The following MAB21L3 variants were observed in gnomAD, a reference collection of about 807,000 sequenced individuals.
MAB21L3 encodes mab-21 like 3.
A neutral mutation model predicts 37.7 loss-of-function variants in MAB21L3; 36 were observed. The observed-to-expected ratio is 0.96, with a 90% CI of 0.73 to 1.26. The LOEUF (loss-of-function observed/expected upper bound fraction) is 1.26. MAB21L3 is among the 50% of genes most tolerant of loss of function. The pLI, the probability that MAB21L3 is intolerant of heterozygous loss-of-function variation, is 0.00. For synonymous variants in MAB21L3, 186 were observed against 176.8 expected, an observed-to-expected ratio of 1.05 and a Z score of -0.41; for missense variants, 430 against 447.3, an observed-to-expected ratio of 0.96 and a Z score of 0.35.
chr1:116,128,348 G>C lies in MAB21L3; in HGVS notation c.855+9G>C, dbSNP rs1203943496. On this transcript the variant is annotated intron_variant, in intron 7 of 7. Transcript: ENST00000369500. ...CGTCCCACCATCTGCAGGTGAGTGT[G>C]GGGCAGGTTGGAGAAGACCCAGGGG... is the stretch of plus-strand genomic sequence containing the variant. 32 of 1,603,340 alleles carry C rather than the reference G, an allele frequency of 2.0e-5. No individual in the cohort carries two copies. The highest frequency in any genetic ancestry group is 2.6e-5 in the Non-Finnish European group (30 of 1,176,104).
chr1:116,124,185 G>T lies in MAB21L3; in HGVS notation c.309G>T (p.Pro103=). 6.2e-7 allele frequency: 1 copy of T among 1,614,222 alleles called. No homozygotes were observed. Among genetic ancestry groups the T allele is most frequent in the South Asian group, 1.1e-5 (1 of 91,084 alleles). The change falls in exon 5 of 8, where the codon CCG becomes CCT. Residue 103 remains proline, a synonymous_variant. Transcript: ENST00000369500. ...TGCAGGGCACCAGGCTGCCCTGCCC[G>T]TTGCGGGACCCTGAGGGTCTGCAGC... ...YTLQGTRLPC[P]LRDPEGLQQW...
intron 4 of MAB21L3, among the ~76,000 whole-genome samples, chr1:116,123,628 C>T (rs1437193110): frequency 6.6e-6 from 1 of 152,186 alleles, no homozygotes; most frequent in African/African-American, 2.4e-5. Flanking sequence ...CTCCAAGCCC[C>T]TCTGCATCTT....
At position 116,133,299 on chromosome 1, in the gene MAB21L3, T is replaced by G. The variant is rs1660125295; in HGVS notation, c.1023T>G (p.Thr341=). Residue 341 remains threonine (T), a synonymous_variant, in exon 8 of 8, where the codon ACT becomes ACG. Transcript: ENST00000369500. The part of the protein sequence containing the change: ...NSNLFQCTNP[T]ELDTVAQKLA... ...ACCTCTTTCAGTGCACCAACCCGAC[T>G]GAACTGGACACTGTGGCCCAAAAGC... The G allele has an allele frequency of 6.2e-7, 1 of 1,614,084 alleles. No individual in the cohort carries two copies. Among genetic ancestry groups the G allele is most frequent in the African/African-American group, 1.3e-5 (1 of 74,934 alleles).
rs530148151 is a variant in MAB21L3 at position 116,125,220 on chromosome 1, ATGT to A, written c.481+868_481+870del. 9.2e-5 allele frequency among the ~76,000 whole-genome samples: 14 copies of A among 152,314 alleles called. 1 individual carries two copies. The South Asian group carries it at 2.7e-3, about 29-fold the overall frequency. On this transcript the variant is annotated intron_variant, in intron 5 of 7. Transcript: ENST00000369500. ...TGGGCATGGTGAAATGGGTATTCTC[ATGT>A]TGTTATTAGAAGTGTAAATTGGTGT...
In MAB21L3 at chr1:116,136,940, G is replaced by C. The variant is rs1660210801; in HGVS notation, c.*3575G>C. Among the ~76,000 whole-genome samples, 1 of 129,346 alleles carries C rather than the reference G, an allele frequency of 7.7e-6. No individual in the cohort carries two copies. The highest frequency in any genetic ancestry group is 1.6e-5 in the Non-Finnish European group (1 of 63,078). The allele number at this position is 129,346 out of a possible 152,430, so 84.9% of individuals were successfully genotyped here. ...TAGCCATATGTAGAAAGCTGAAACT[G>C]GATCCCTTCCTTACACCTTATACAA... On this transcript the variant is annotated 3_prime_UTR_variant, in exon 8 of 8. Coordinates refer to ENST00000369500, the MANE Select transcript of MAB21L3 (RefSeq NM_152367.3).
chr1:116,138,121 G>A lies in MAB21L3; in HGVS notation c.*4756G>A, dbSNP rs12567623. Among the ~76,000 whole-genome samples the A allele has an allele frequency of 0.39, 59,189 of 150,952 alleles. 16,310 individuals are homozygous for A. The highest frequency in any genetic ancestry group is 0.79 in the African/African-American group (32,566 of 41,286). On this transcript the variant is annotated 3_prime_UTR_variant, in exon 8 of 8. Coordinates refer to ENST00000369500, the MANE Select transcript of MAB21L3 (RefSeq NM_152367.3). ...ACATGTACCCTAAAACTTAAAGTAT[G>A]ATTAAAAAAAAAAAGTACTGTAACC...
chr1:116,112,478 A>G lies in MAB21L3; in HGVS notation c.-138A>G, dbSNP rs1457278037. On this transcript the variant is annotated 5_prime_UTR_variant, in exon 3 of 8. Coordinates refer to ENST00000369500, the MANE Select transcript of MAB21L3 (RefSeq NM_152367.3). The stretch of plus-strand genomic sequence containing the variant: ...GGTTCGGAAGGCAAGTCTCTGGTCC[A>G]TTACACACTTCCAGAAAAACTTAGT... The G allele has an allele frequency of 2.9e-6, 2 of 691,262 alleles. No individual in the cohort carries two copies. The highest frequency in any genetic ancestry group is 1.8e-5 in the African/African-American group (1 of 56,336). The allele number at this position is 691,262 out of a possible 1,614,324, so 42.8% of individuals were successfully genotyped here. A position where few individuals can be genotyped will look rare whatever the true frequency, so the allele number is the denominator to read the frequency against.
chr1:116,127,785 G>T (rs1659951842), intron 6 of MAB21L3, 141 bp downstream of exon 6: 1 of 946,556 alleles, frequency 1.1e-6, no homozygotes. Context: ...GGGCCCTGCA[G>T]CAGCGTCACC....
chr1:116,129,638 G>A (rs1325388335), intron 7 of MAB21L3, among the ~76,000 whole-genome samples: 1 of 152,212 alleles, frequency 6.6e-6, no homozygotes, highest in Non-Finnish European at 1.5e-5. Context: ...TGTCCAGCTG[G>A]CATGCTGACC....
chr1:116,120,432 AAC>A (rs1198698955), intron 3 of MAB21L3, among the ~76,000 whole-genome samples: 444 of 109,666 alleles, frequency 4.0e-3, no homozygotes, highest in South Asian at 0.036. Context: ...CACACACACA[AAC>A]ACACACACAC....
At position 116,135,419 on chromosome 1, in the gene MAB21L3, C is replaced by T. The variant is rs374351874; in HGVS notation, c.*2054C>T. On this transcript the variant is annotated 3_prime_UTR_variant, in exon 8 of 8. Transcript: ENST00000369500. ...CCTCAACACATACACTCTCCCAAGA[C>T]TAAACCAGGAAGAAGTTGAATCTCT... 0.018 allele frequency among the ~76,000 whole-genome samples: 2,711 copies of T among 152,176 alleles called. 36 individuals are homozygous for T. Among genetic ancestry groups the T allele is most frequent in the Middle Eastern group, 0.065 (19 of 294 alleles).
intron 3 of MAB21L3, among the ~76,000 whole-genome samples, chr1:116,115,075 G>A (rs556086053): frequency 4.3e-4 from 65 of 152,204 alleles, no homozygotes; most frequent in African/African-American, 1.4e-3. Flanking sequence ...TACTAACTTT[G>A]GGAACCTGGG....
At chr1:116,114,950 C>T (rs956510120) in intron 3 of MAB21L3, among the ~76,000 whole-genome samples, 2 of 152,122 alleles carry the variant, frequency 1.3e-5, no homozygotes, top group Non-Finnish European at 1.5e-5. Context: ...AAGGGAACCC[C>T]GTTCAAACAT....
At position 116,112,721 on chromosome 1, in the gene MAB21L3, C is replaced by T. The variant is rs1043226214; in HGVS notation, c.48+58C>T. 4.5e-6 allele frequency: 7 copies of T among 1,564,936 alleles called. No homozygotes were observed. In the Admixed American group the frequency reaches 6.7e-5, roughly 15 times the overall value. ...CCTCCCCATTCACACTACTTCCAAA[C>T]AAACCTTCGTCCAGAAAGGATCTCA... is the stretch of plus-strand genomic sequence containing the variant. On this transcript the variant is annotated intron_variant, in intron 3 of 7. Transcript: ENST00000369500.
At chr1:116,114,697 G>T (rs1164433001) in intron 3 of MAB21L3, among the ~76,000 whole-genome samples, 1 of 152,226 alleles carries the variant, frequency 6.6e-6, no homozygotes, top group Non-Finnish European at 1.5e-5. Flanking sequence ...TGTCCCATCT[G>T]CAGATTTTGT....
rs111372180 is a variant in MAB21L3 at position 116,119,483 on chromosome 1, T to C, written c.49-1449T>C. 2.6e-5 allele frequency among the ~76,000 whole-genome samples: 4 copies of C among 152,232 alleles called. No individual in the cohort carries two copies. In the East Asian group the frequency reaches 7.7e-4, roughly 29 times the overall value. ...AATCTCTTTGACTTGGACTTTTTTT[T>C]TCTGGCTGTCGTGATCAGTTTATGG... On this transcript the variant is annotated intron_variant, in intron 3 of 7. Transcript: ENST00000369500.
chr1:116,134,073 A>C lies in MAB21L3; in HGVS notation c.*708A>C, dbSNP rs1484000458. 1 of 152,480 alleles carries C rather than the reference A, an allele frequency of 6.6e-6. No homozygotes were observed. The highest frequency in any genetic ancestry group is 1.5e-5 in the Non-Finnish European group (1 of 68,518). The allele number at this position is 152,480 out of a possible 1,614,324, so 9.4% of individuals were successfully genotyped here. A position where few individuals can be genotyped will look rare whatever the true frequency, so the allele number is the denominator to read the frequency against. The stretch of plus-strand genomic sequence containing the variant: ...CTGGTATTCTCTAAGCAGGGAGGGG[A>C]ATGGTTTTGATGATAAGTGTAAGTC... On this transcript the variant is annotated 3_prime_UTR_variant, in exon 8 of 8. Transcript: ENST00000369500.
chr1:116,118,494 C>T (rs1199647642), intron 3 of MAB21L3, among the ~76,000 whole-genome samples: 1 of 152,172 alleles, frequency 6.6e-6, no homozygotes, highest in African/African-American at 2.4e-5. Flanking sequence ...AATGCTAGTG[C>T]CCAGTGTTCC....
chr1:116,137,444 A>T lies in MAB21L3; in HGVS notation c.*4079A>T, dbSNP rs1168411370. 7.2e-6 allele frequency among the ~76,000 whole-genome samples: 1 copy of T among 139,634 alleles called. No individual in the cohort carries two copies. The highest frequency in any genetic ancestry group is 2.0e-4 in the East Asian group (1 of 5,034). The allele number at this position is 139,634 out of a possible 152,430, so 91.6% of individuals were successfully genotyped here. A position where few individuals can be genotyped will look rare whatever the true frequency, so the allele number is the denominator to read the frequency against. On this transcript the variant is annotated 3_prime_UTR_variant, in exon 8 of 8. Coordinates refer to ENST00000369500, the MANE Select transcript of MAB21L3 (RefSeq NM_152367.3). ...AGTGAGATACCATCTCACACCAGTTAGAATGGCAATCATTAAAAAGTCAGG... is the reference window on the plus strand; with the variant it reads ...AGTGAGATACCATCTCACACCAGTTTGAATGGCAATCATTAAAAAGTCAGG...
Sources: allele counts gnomAD v4.1 joint callset (sites outside exome capture counted in the v4.1 genomes callset), GRCh38; gene constraint gnomAD v4.1.1; transcripts MANE v1.5; gene names NCBI Gene and HGNC (gene_info 2026-07-23, HGNC 2026-07-21).